Variants in RBFOX1 observed in about 807,000 individuals in gnomAD.
RBFOX1 encodes the protein RNA binding fox-1 homolog 1.
In RBFOX1, 8 loss-of-function variants were observed where a neutral mutation model predicts 57.7. The observed-to-expected ratio is 0.14, with a 90% CI of 0.08 to 0.25. The LOEUF is 0.25. RBFOX1 is among the 10% of genes least tolerant of loss of function. The pLI is 1.00. For synonymous variants in RBFOX1, 326 were observed against 222.4 expected (o/e 1.47, Z -4.15); for missense variants, 611 against 548.5 (o/e 1.11, Z -1.14).
intron 1 of RBFOX1, among the ~76,000 whole-genome samples, chr16:5,379,049 G>C (rs1305756390): frequency 6.6e-6 from 1 of 151,336 alleles, no homozygotes; most frequent in Non-Finnish European, 1.5e-5. Flanking sequence ...AAAAGTAATT[G>C]CAGTTTTTGG....
At chr16:7,309,464 C>A (rs1447815148) in intron 4 of RBFOX1, among the ~76,000 whole-genome samples, 1 of 152,218 alleles carries the variant, frequency 6.6e-6, no homozygotes, top group African/African-American at 2.4e-5. Context: ...CTCTGCCTGC[C>A]ATTTTGAGGC....
chr16:7,096,034 A>G (rs953946424), intron 4 of RBFOX1, among the ~76,000 whole-genome samples: 61 of 151,340 alleles, frequency 4.0e-4, no homozygotes, highest in African/African-American at 1.4e-3. Flanking sequence ...AAAAAAGAAA[A>G]GAAAAGAAAA....
intron 2 of RBFOX1, among the ~76,000 whole-genome samples, chr16:6,560,851 T>G (rs1567686418): frequency 1.3e-5 from 2 of 152,194 alleles, no homozygotes; most frequent in African/African-American, 2.4e-5. Flanking sequence ...TCAAGCCTAG[T>G]GCTTGGCATG....
chr16:5,815,438 T>C (rs1408323967), intron 3 of RBFOX1, among the ~76,000 whole-genome samples: 1 of 152,110 alleles, frequency 6.6e-6, no homozygotes, highest in Non-Finnish European at 1.5e-5. Flanking sequence ...GGCAGCTCTG[T>C]TGATCAGAAA....
rs535646763 is a variant in RBFOX1, at chr16:7,487,365, T to A, written c.28-30782T>A. On this transcript the variant is annotated intron_variant, in intron 4 of 15. Transcript: ENST00000550418. Reference sequence around the variant, plus strand: ...CACATGTATGGGTCATTGTACTTCATATCAATGTGTTTATGTGTCAGTGTC... The same window carrying A: ...CACATGTATGGGTCATTGTACTTCAAATCAATGTGTTTATGTGTCAGTGTC... Among the ~76,000 whole-genome samples the A allele has an allele frequency of 5.3e-5, 8 of 152,314 alleles. No individual in the cohort carries two copies. The South Asian group carries it at 1.7e-3, about 32-fold the overall frequency.
intron 1 of RBFOX1, among the ~76,000 whole-genome samples, chr16:6,272,385 A>C (rs1262798587): frequency 2.0e-5 from 3 of 152,218 alleles, no homozygotes. Flanking sequence ...CTCAAAAAAT[A>C]TACTTAGGTG....
At chr16:5,292,413 T>C (rs2063557252) in intron 1 of RBFOX1, among the ~76,000 whole-genome samples, 1 of 152,196 alleles carries the variant, frequency 6.6e-6, no homozygotes, top group Non-Finnish European at 1.5e-5. Flanking sequence ...TTTTTTCAGT[T>C]TTAATGTTGC....
At chr16:7,436,693 C>T (rs539217285) in intron 4 of RBFOX1, among the ~76,000 whole-genome samples, 1 of 152,320 alleles carries the variant, frequency 6.6e-6, no homozygotes, top group East Asian at 1.9e-4. Flanking sequence ...GCTCCAGCTC[C>T]TGGTGTCTGA....
At chr16:5,642,459 T>C (rs2048911977) in intron 3 of RBFOX1, among the ~76,000 whole-genome samples, 1 of 152,176 alleles carries the variant, frequency 6.6e-6, no homozygotes, top group Admixed American at 6.5e-5. Flanking sequence ...ACTCTGAGGA[T>C]GAAAAGCCTT....
intron 12 of RBFOX1, among the ~76,000 whole-genome samples, chr16:7,660,911 G>C (rs370711137): frequency 3.9e-4 from 59 of 152,248 alleles, no homozygotes; most frequent in African/African-American, 1.4e-3. Context: ...TCAAATCCCA[G>C]TTCAGACAAT....
At chr16:5,385,703 C>T (rs2066237899) in intron 1 of RBFOX1, among the ~76,000 whole-genome samples, 1 of 152,182 alleles carries the variant, frequency 6.6e-6, no homozygotes, top group East Asian at 1.9e-4. Flanking sequence ...ATTTTGTAGC[C>T]TCTGCTCAGG....
chr16:6,497,270 G>A (rs763446201), intron 2 of RBFOX1, among the ~76,000 whole-genome samples: 2 of 152,318 alleles, frequency 1.3e-5, no homozygotes, highest in Non-Finnish European at 2.9e-5. Flanking sequence ...TTCCAGACCA[G>A]CTCTTCTCAG....
At chr16:5,970,726 C>T (rs147680989) in intron 4 of RBFOX1, among the ~76,000 whole-genome samples, 146 of 152,220 alleles carry the variant, frequency 9.6e-4, no homozygotes, top group African/African-American at 3.4e-3. Flanking sequence ...AGAAAGGACC[C>T]TGCGAAATTG....
At chr16:6,983,017 A>AAT (rs1568215526) in intron 3 of RBFOX1, among the ~76,000 whole-genome samples, 1 of 145,590 alleles carries the variant, frequency 6.9e-6, no homozygotes. Context: ...AAAAAAAAAA[A>AAT]GGAAAGGTGT....
intron 3 of RBFOX1, among the ~76,000 whole-genome samples, chr16:5,783,182 A>G (rs566231802): frequency 6.6e-6 from 1 of 152,344 alleles, no homozygotes; most frequent in African/African-American, 2.4e-5. Flanking sequence ...CAATATTTAC[A>G]TATAATTTAC....
intron 2 of RBFOX1, among the ~76,000 whole-genome samples, chr16:5,473,091 C>T (rs1389597661): frequency 6.6e-6 from 1 of 152,190 alleles, no homozygotes; most frequent in Non-Finnish European, 1.5e-5. Context: ...TGATGACTGC[C>T]CTGGCTCAAA....
chr16:6,584,167 G>A (rs1489911113), intron 2 of RBFOX1, among the ~76,000 whole-genome samples: 1 of 151,698 alleles, frequency 6.6e-6, no homozygotes, highest in Non-Finnish European at 1.5e-5. Context: ...CATTGTCCCT[G>A]CTGTAATTAC....
chr16:6,859,378 T>C (rs1407672532), intron 3 of RBFOX1, among the ~76,000 whole-genome samples: 3 of 151,784 alleles, frequency 2.0e-5, no homozygotes, highest in Non-Finnish European at 4.4e-5. Flanking sequence ...CTCAAACAGA[T>C]GACGCTTTTG....
intron 3 of RBFOX1, among the ~76,000 whole-genome samples, chr16:6,891,262 A>G (rs1345602952): frequency 2.0e-5 from 3 of 152,200 alleles, no homozygotes; most frequent in Non-Finnish European, 4.4e-5. Flanking sequence ...GCACTTTATA[A>G]GAACAACTGC....
Sources: gnomAD v4.1 joint callset for allele counts (sites outside exome capture counted in the v4.1 genomes callset) on GRCh38, gnomAD v4.1.1 for gene constraint, MANE v1.5 for transcripts, NCBI Gene and HGNC (gene_info 2026-07-23, HGNC 2026-07-21) for gene names.